FBRSL1: variants seen among roughly 807,000 people sequenced by gnomAD.
FBRSL1 encodes fibrosin-1-like protein.
Under a neutral mutation model 89.6 loss-of-function variants are expected in FBRSL1, and 51 were observed. That is an observed-to-expected ratio of 0.57 (90% confidence interval 0.45 to 0.72). FBRSL1 has a LOEUF of 0.72. Among genes scored for constraint, FBRSL1 ranks in the 30% least tolerant of loss-of-function variants. The pLI is 0.00. For missense variants in FBRSL1, 1,618 were observed against 1,451.8 expected, an observed-to-expected ratio of 1.11 and a Z score of -1.86; for synonymous variants, 779 against 681.1, an observed-to-expected ratio of 1.14 and a Z score of -2.24.
chr12:132,581,429 C>G lies in FBRSL1; in HGVS notation c.1835-10C>G, dbSNP rs777196823. On this transcript the variant is annotated splice_polypyrimidine_tract_variant and intron_variant, in intron 15 of 18. Coordinates refer to ENST00000680143, the MANE Select transcript of FBRSL1 (RefSeq NM_001367871.1). ...TCCTGGCTTCTGTCAAACCTGGCTG[C>G]CCCCCCCAGGTGCCGCCCATCCTGC... is the stretch of plus-strand genomic sequence containing the variant. 1.9e-6 allele frequency: 3 copies of G among 1,545,222 alleles called. No individual in the cohort carries two copies. The highest frequency in any genetic ancestry group is 2.6e-6 in the Non-Finnish European group (3 of 1,143,350).
chr12:132,502,789 T>TCTCCTGTCCCCGCCCC (rs1438450461), intron 1 of FBRSL1, among the ~76,000 whole-genome samples: 5 of 42,652 alleles, frequency 1.2e-4, no homozygotes, highest in African/African-American at 4.4e-4. Context: ...GTCCCTGCCC[T>TCTCCTGTCCCCGCCCC]CTCCTGTCCC....
chr12:132,524,354 G>C (rs2035607926), intron 2 of FBRSL1, among the ~76,000 whole-genome samples: 1 of 152,270 alleles, frequency 6.6e-6, no homozygotes, highest in African/African-American at 2.4e-5. Context: ...CGGCTTGATG[G>C]ACCTCATGGG....
chr12:132,571,100 A>G lies in FBRSL1; in HGVS notation c.1246A>G (p.Ile416Val). 1 of 1,361,194 alleles carries G rather than the reference A, an allele frequency of 7.3e-7. No homozygotes were observed. The highest frequency in any genetic ancestry group is 9.4e-7 in the Non-Finnish European group (1 of 1,058,966). 84.3% of individuals were successfully genotyped at this position (1,361,194 alleles called of 1,614,324 possible). A position where few individuals can be genotyped will look rare whatever the true frequency, so the allele number is the denominator to read the frequency against. ...CCTGGCGGTCTCATTCAGCCAGCCA[A>G]TCATGTATTGCCAGCCTCATTCGGG... ...ASLAVSFSQP[I>V]MYCQPHSGIL... Residue 416 changes from isoleucine to valine, a missense_variant, in exon 9 of 19, where the codon ATC becomes GTC. Physicochemically the swap from Ile to Val is conservative, Grantham distance 29 (BLOSUM62 3). Coordinates refer to ENST00000680143, the MANE Select transcript of FBRSL1 (RefSeq NM_001367871.1).
Position 132,536,728 on chromosome 12 carries a change from G to A in FBRSL1, c.615+8740G>A, listed in dbSNP as rs567867170. On this transcript the variant is annotated intron_variant, in intron 4 of 18. Transcript: ENST00000680143. ...TACATGACAGTGTGTGTGAGTATAC[G>A]TGTACATGAAGGTGTGTGTGCCATG... Among the ~76,000 whole-genome samples, 7 of 151,538 alleles carry A rather than the reference G, an allele frequency of 4.6e-5. No homozygotes were observed. The East Asian group carries it at 7.8e-4, about 17-fold the overall frequency.
intron 2 of FBRSL1, among the ~76,000 whole-genome samples, chr12:132,522,983 C>T (rs546544737): frequency 2.6e-5 from 4 of 152,304 alleles, no homozygotes; most frequent in Admixed American, 1.3e-4. Flanking sequence ...GTACCTGGCT[C>T]GTCAGGGCTC....
At chr12:132,520,370 C>T (rs746848420) in intron 2 of FBRSL1, among the ~76,000 whole-genome samples, 14 of 152,150 alleles carry the variant, frequency 9.2e-5, no homozygotes, top group Non-Finnish European at 1.5e-4. Context: ...TTGCAGATGG[C>T]AATTTTCCCG....
intron 4 of FBRSL1, 37 bp downstream of exon 4, chr12:132,528,025 C>A: frequency 1.3e-6 from 2 of 1,547,496 alleles, no homozygotes; most frequent in Non-Finnish European, 1.7e-6. Context: ...TCTTTGTCCC[C>A]CTGGGGCCTT....
intron 6 of FBRSL1, among the ~76,000 whole-genome samples, chr12:132,569,691 C>A (rs568745017): frequency 1.1e-4 from 16 of 152,328 alleles, no homozygotes; most frequent in African/African-American, 3.8e-4. Context: ...CCCACCCCCA[C>A]CCCTGGCCAC....
At chr12:132,545,670 G>A (rs1593430232) in intron 4 of FBRSL1, among the ~76,000 whole-genome samples, 1 of 152,228 alleles carries the variant, frequency 6.6e-6, no homozygotes, top group African/African-American at 2.4e-5. Context: ...GGGTCTCGGG[G>A]CCAACCCAGG....
chr12:132,537,273 G>A (rs2036842732), intron 4 of FBRSL1, among the ~76,000 whole-genome samples: 1 of 152,182 alleles, frequency 6.6e-6, no homozygotes, highest in Non-Finnish European at 1.5e-5. Flanking sequence ...ATGGAAAGCT[G>A]TTCAGAGTGA....
At chr12:132,573,789 G>A (rs959219067) in intron 11 of FBRSL1, among the ~76,000 whole-genome samples, 1 of 152,198 alleles carries the variant, frequency 6.6e-6, no homozygotes, top group African/African-American at 2.4e-5. Flanking sequence ...CTGGGCTGGA[G>A]ACTAGGTGTG....
intron 1 of FBRSL1, among the ~76,000 whole-genome samples, chr12:132,503,704 G>A (rs1432149721): frequency 2.0e-5 from 3 of 152,244 alleles, no homozygotes; most frequent in Non-Finnish European, 4.4e-5. Flanking sequence ...GGTATGGGAG[G>A]CAGCCATGCC....
intron 4 of FBRSL1, among the ~76,000 whole-genome samples, chr12:132,537,594 G>A: frequency 6.6e-6 from 1 of 152,216 alleles, no homozygotes; most frequent in East Asian, 1.9e-4. Flanking sequence ...GTCTAATTCT[G>A]CACATGTCTG....
intron 5 of FBRSL1, among the ~76,000 whole-genome samples, chr12:132,548,773 G>A (rs570998908): frequency 2.6e-5 from 4 of 152,188 alleles, no homozygotes; most frequent in Non-Finnish European, 4.4e-5. Flanking sequence ...AGGGCTACCC[G>A]GGGGCACCTG....
chr12:132,541,338 C>T (rs1249306591), intron 4 of FBRSL1, among the ~76,000 whole-genome samples: 1 of 152,222 alleles, frequency 6.6e-6, no homozygotes, highest in Non-Finnish European at 1.5e-5. Flanking sequence ...AAAGGTGCCT[C>T]ACCCTCAAGT....
intron 5 of FBRSL1, among the ~76,000 whole-genome samples, 182 bp downstream of exon 5, chr12:132,548,214 G>A (rs915225989): frequency 1.3e-5 from 2 of 152,204 alleles, no homozygotes. Flanking sequence ...TCTCCTGGCT[G>A]TGGAAGAGCC....
chr12:132,575,573 GAC>G (rs1400927788), intron 14 of FBRSL1, among the ~76,000 whole-genome samples: 1 of 152,266 alleles, frequency 6.6e-6, no homozygotes, highest in Non-Finnish European at 1.5e-5. Context: ...GGAACTTCTG[GAC>G]ACACAGCAGA....
At chr12:132,576,286 G>A (rs139389322) in intron 14 of FBRSL1, among the ~76,000 whole-genome samples, 1,546 of 151,556 alleles carry the variant, frequency 0.01, 26 homozygotes, top group African/African-American at 0.034. Context: ...TCCACCTCCC[G>A]GCTTCAAGTG....
At chr12:132,500,081 G>A (rs775556012) in intron 1 of FBRSL1, among the ~76,000 whole-genome samples, 13 of 152,170 alleles carry the variant, frequency 8.5e-5, no homozygotes, top group Non-Finnish European at 1.6e-4. Flanking sequence ...GCCGGAATCC[G>A]TGGTGTCTGG....
Sources: allele counts gnomAD v4.1 joint callset (sites outside exome capture counted in the v4.1 genomes callset), GRCh38; gene constraint gnomAD v4.1.1; transcripts MANE v1.5; gene names NCBI Gene and HGNC (gene_info 2026-07-23, HGNC 2026-07-21).